NRXN1: variants seen among roughly 807,000 people sequenced by gnomAD.
NRXN1 encodes neurexin-1.
A neutral mutation model predicts 150.9 loss-of-function variants in NRXN1; 39 were observed. The ratio of observed to expected loss-of-function variants is 0.26; its 90% confidence interval spans 0.20 to 0.34. The LOEUF is 0.34. Ranked by LOEUF, NRXN1 falls within the 10% of genes least tolerant of loss-of-function variation. The probability of loss-of-function intolerance (pLI) is 1.00; values close to 1 mark genes in which losing one functional copy is unlikely to be tolerated. For missense variants in NRXN1, 1,815 were observed against 1,949.9 expected, an observed-to-expected ratio of 0.93 and a Z score of 1.30; for synonymous variants, 924 against 757.0, an observed-to-expected ratio of 1.22 and a Z score of -3.62.
intron 12 of NRXN1, among the ~76,000 whole-genome samples, chr2:50,517,403 C>T (rs1432366307): frequency 5.0e-5 from 3 of 60,050 alleles, no homozygotes; most frequent in Non-Finnish European, 4.2e-5. Context: ...TTTGTGTAAA[C>T]TTTGTGGGAC....
chr2:50,889,569 T>G (rs1017783100), intron 5 of NRXN1, among the ~76,000 whole-genome samples: 1 of 151,786 alleles, frequency 6.6e-6, no homozygotes, highest in African/African-American at 2.4e-5. Flanking sequence ...TGGTATAACG[T>G]GTACATTATT....
chr2:50,918,394 C>T (rs1685515714), intron 5 of NRXN1: 1 of 304,958 alleles, frequency 3.3e-6, no homozygotes, highest in Non-Finnish European at 6.1e-6. Context: ...TTTCTGCCCT[C>T]ATAGAGCTTA....
At chr2:50,318,981 A>G (rs1400920836) in intron 17 of NRXN1, among the ~76,000 whole-genome samples, 1 of 152,118 alleles carries the variant, frequency 6.6e-6, no homozygotes, top group Non-Finnish European at 1.5e-5. Context: ...AATATTTAAT[A>G]TTGTTAATTG....
intron 13 of NRXN1, among the ~76,000 whole-genome samples, chr2:50,501,525 T>A (rs1317733447): frequency 6.6e-6 from 1 of 151,926 alleles, no homozygotes; most frequent in Admixed American, 6.6e-5. Context: ...AGATATAATT[T>A]CCAGGATTTA....
At chr2:50,807,712 T>C (rs896788776) in intron 5 of NRXN1, among the ~76,000 whole-genome samples, 4 of 152,172 alleles carry the variant, frequency 2.6e-5, no homozygotes, top group Admixed American at 2.0e-4. Flanking sequence ...TCTGCTTATC[T>C]TGGCGTTGTG....
intron 11 of NRXN1, 113 bp from the exon 12 acceptor site, chr2:50,528,764 C>A: frequency 1.6e-6 from 1 of 641,208 alleles, no homozygotes. Flanking sequence ...GCAAATATGG[C>A]CACTCCATAT....
At chr2:50,557,159 T>C (rs1246158806) in intron 8 of NRXN1, among the ~76,000 whole-genome samples, 1 of 152,226 alleles carries the variant, frequency 6.6e-6, no homozygotes, top group East Asian at 1.9e-4. Context: ...CACTGGTAGC[T>C]GATAGATAAG....
chr2:50,456,484 C>T lies in NRXN1; in HGVS notation c.3364+8958G>A, dbSNP rs1041736739. Among the ~76,000 whole-genome samples, 5 of 152,194 alleles carry T rather than the reference C, an allele frequency of 3.3e-5. No homozygotes were observed. In the South Asian group the frequency reaches 1.0e-3, roughly 32 times the overall value. On this transcript the variant is annotated intron_variant, in intron 17 of 22. Coordinates refer to ENST00000401669, the MANE Select transcript of NRXN1 (RefSeq NM_001330078.2). The stretch of plus-strand genomic sequence containing the variant: ...TGTAGAGAAGGCCATAATTCCTCCC[C>T]ATAAAAGAATTCTATACTTTTTAAC...
At chr2:50,892,541 G>A (rs1277828534) in intron 5 of NRXN1, among the ~76,000 whole-genome samples, 3 of 152,096 alleles carry the variant, frequency 2.0e-5, no homozygotes, top group Non-Finnish European at 2.9e-5. Context: ...TAGAGAAAGA[G>A]CCACCAAATA....
chr2:50,648,107 T>A (rs2104533619), intron 5 of NRXN1, among the ~76,000 whole-genome samples: 1 of 152,100 alleles, frequency 6.6e-6, no homozygotes, highest in Non-Finnish European at 1.5e-5. Context: ...TATGCATGAA[T>A]TATTCCACAT....
At chr2:50,783,503 G>C (rs576651686) in intron 5 of NRXN1, among the ~76,000 whole-genome samples, 140 of 152,122 alleles carry the variant, frequency 9.2e-4, no homozygotes, top group African/African-American at 3.2e-3. Flanking sequence ...ATAGATCAGG[G>C]TATTCTTTTT....
At chr2:50,280,287 A>C (rs1388651728) in intron 17 of NRXN1, among the ~76,000 whole-genome samples, 1 of 152,092 alleles carries the variant, frequency 6.6e-6, no homozygotes, top group African/African-American at 2.4e-5. Flanking sequence ...CAAAAAAAAA[A>C]AAAAAAACAG....
intron 5 of NRXN1, among the ~76,000 whole-genome samples, chr2:50,754,729 T>C (rs896546012): frequency 3.9e-5 from 6 of 151,914 alleles, no homozygotes; most frequent in African/African-American, 1.4e-4. Context: ...TTTTACCATA[T>C]GCCTCTCTGT....
chr2:50,235,472 C>T (rs2065331037), intron 18 of NRXN1, among the ~76,000 whole-genome samples: 1 of 151,976 alleles, frequency 6.6e-6, no homozygotes, highest in African/African-American at 2.4e-5. Flanking sequence ...ATGAATTCAG[C>T]CCTTGTGGTC....
In NRXN1 at chr2:50,572,783, T is replaced by C. The variant is rs1181817785; in HGVS notation, c.1321-19758A>G. Among the ~76,000 whole-genome samples, 6 of 152,220 alleles carry C rather than the reference T, an allele frequency of 3.9e-5. No homozygotes were observed. The East Asian group carries it at 9.6e-4, about 24-fold the overall frequency. On this transcript the variant is annotated intron_variant, in intron 8 of 22. Coordinates refer to ENST00000401669, the MANE Select transcript of NRXN1 (RefSeq NM_001330078.2). ...ATAAAACTTACTTTATTTTTCCCTATTCAACATTTGTATTCAAGATTATTT... is the reference window on the plus strand; with the variant it reads ...ATAAAACTTACTTTATTTTTCCCTACTCAACATTTGTATTCAAGATTATTT...
intron 17 of NRXN1, among the ~76,000 whole-genome samples, chr2:50,301,637 C>A (rs2074160341): frequency 1.3e-5 from 2 of 152,230 alleles, no homozygotes; most frequent in African/African-American, 4.8e-5. Flanking sequence ...TACCCTGCAA[C>A]CTTTTATGTA....
intron 17 of NRXN1, among the ~76,000 whole-genome samples, chr2:50,442,401 TTTAA>T (rs1409187797): frequency 6.6e-6 from 1 of 152,212 alleles, no homozygotes; most frequent in African/African-American, 2.4e-5. Context: ...GTTGTAACTT[TTTAA>T]TTAAGTGCAC....
At chr2:50,003,316 G>C (rs1684245122) in intron 21 of NRXN1, among the ~76,000 whole-genome samples, 1 of 151,968 alleles carries the variant, frequency 6.6e-6, no homozygotes, top group Non-Finnish European at 1.5e-5. Context: ...TAATTACAAA[G>C]GAAATTTGTA....
At chr2:50,379,041 A>T (rs1398603384) in intron 17 of NRXN1, among the ~76,000 whole-genome samples, 2 of 152,168 alleles carry the variant, frequency 1.3e-5, no homozygotes, top group African/African-American at 4.8e-5. Flanking sequence ...GTCATGCAGC[A>T]GGCATTCAAA....
Sources: gnomAD v4.1 joint callset for allele counts (sites outside exome capture counted in the v4.1 genomes callset) on GRCh38, gnomAD v4.1.1 for gene constraint, MANE v1.5 for transcripts, NCBI Gene and HGNC (gene_info 2026-07-23, HGNC 2026-07-21) for gene names.